Variants in ERBB4 observed in about 807,000 individuals in gnomAD.
The protein encoded by ERBB4 is receptor tyrosine-protein kinase erbB-4.
Under a neutral mutation model 158.0 loss-of-function variants are expected in ERBB4, and 42 were observed. The ratio of observed to expected loss-of-function variants is 0.27; its 90% CI spans 0.21 to 0.34. The LOEUF is 0.34. Among genes scored for constraint, ERBB4 ranks in the 10% least tolerant of loss-of-function variants. ERBB4 has a pLI of 1.00. For missense variants in ERBB4, 1,333 were observed against 1,624.1 expected (o/e 0.82, Z 3.08); for synonymous variants, 583 against 558.7 (o/e 1.04, Z -0.61).
At chr2:212,261,693 T>C (rs1478644231) in intron 1 of ERBB4, among the ~76,000 whole-genome samples, 2 of 152,086 alleles carry the variant, frequency 1.3e-5, no homozygotes, top group African/African-American at 4.8e-5. Flanking sequence ...CCTAGAGAAG[T>C]TAAGATGGGT....
chr2:212,090,123 G>A (rs1468754038), intron 2 of ERBB4, among the ~76,000 whole-genome samples: 1 of 152,080 alleles, frequency 6.6e-6, no homozygotes, highest in Non-Finnish European at 1.5e-5. Flanking sequence ...TAGAACACAT[G>A]GTCTGCTCAA....
At chr2:212,483,500 T>C (rs541602258) in intron 1 of ERBB4, among the ~76,000 whole-genome samples, 1 of 152,338 alleles carries the variant, frequency 6.6e-6, no homozygotes, top group East Asian at 1.9e-4. Context: ...CTTACGTATT[T>C]GTACCTAGTA....
chr2:212,493,914 T>A (rs1174374835), intron 1 of ERBB4, among the ~76,000 whole-genome samples: 1 of 151,748 alleles, frequency 6.6e-6, no homozygotes, highest in Non-Finnish European at 1.5e-5. Context: ...AAGAAATGAG[T>A]ATTATTAGAA....
At chr2:212,194,757 G>A (rs1434084615) in intron 1 of ERBB4, among the ~76,000 whole-genome samples, 1 of 151,876 alleles carries the variant, frequency 6.6e-6, no homozygotes, top group East Asian at 1.9e-4. Flanking sequence ...CATATCTGAA[G>A]GTTTTTAAGA....
At chr2:211,753,971 C>A (rs1236657903) in intron 4 of ERBB4, among the ~76,000 whole-genome samples, 1 of 150,792 alleles carries the variant, frequency 6.6e-6, no homozygotes, top group South Asian at 2.1e-4. Flanking sequence ...CATTCTCCTG[C>A]CTCAGCCTCC....
chr2:211,532,809 G>A (rs1222086792), intron 20 of ERBB4, among the ~76,000 whole-genome samples: 3 of 151,862 alleles, frequency 2.0e-5, no homozygotes, highest in South Asian at 2.1e-4. Context: ...AACCACCCAC[G>A]TAAAACAGCA....
At chr2:211,702,313 G>A (rs2073283784) in intron 11 of ERBB4, 147 bp from the exon 12 acceptor site, 1 of 725,670 alleles carries the variant, frequency 1.4e-6, no homozygotes, top group African/African-American at 1.8e-5. Context: ...GTTTTTACAT[G>A]CTATATACAG....
intron 25 of ERBB4, among the ~76,000 whole-genome samples, chr2:211,404,260 A>G (rs1365336263): frequency 6.6e-6 from 1 of 151,928 alleles, no homozygotes; most frequent in African/African-American, 2.4e-5. Flanking sequence ...TCATGCATTC[A>G]AGCAGAATGG....
chr2:212,012,829 C>T (rs1371177328), intron 2 of ERBB4, among the ~76,000 whole-genome samples: 1 of 152,028 alleles, frequency 6.6e-6, no homozygotes, highest in Non-Finnish European at 1.5e-5. Context: ...ACAGAAGTCC[C>T]AACCTCACAG....
intron 17 of ERBB4, among the ~76,000 whole-genome samples, chr2:211,626,842 G>A (rs2069867206): frequency 6.6e-6 from 1 of 151,618 alleles, no homozygotes; most frequent in African/African-American, 2.4e-5. Context: ...GGAGAACGGC[G>A]TGAACCCAGG....
intron 5 of ERBB4, among the ~76,000 whole-genome samples, chr2:211,730,108 A>G (rs2074382835): frequency 6.6e-6 from 1 of 151,996 alleles, no homozygotes. Context: ...ATATTAAAAA[A>G]TCATTAAGTA....
intron 3 of ERBB4, among the ~76,000 whole-genome samples, chr2:211,942,164 A>G (rs2080517827): frequency 6.6e-6 from 1 of 152,084 alleles, no homozygotes; most frequent in South Asian, 2.1e-4. Flanking sequence ...GAATAATGCC[A>G]AAGAGGCTTG....
intron 20 of ERBB4, among the ~76,000 whole-genome samples, chr2:211,480,787 T>G (rs10188349): frequency 0.093 from 14,096 of 152,234 alleles, 1,842 homozygotes; most frequent in African/African-American, 0.29. Context: ...TTTATCTCTG[T>G]CATTTCCTAA....
At chr2:211,819,047 A>G (rs1007576003) in intron 3 of ERBB4, among the ~76,000 whole-genome samples, 10 of 152,126 alleles carry the variant, frequency 6.6e-5, no homozygotes, top group Non-Finnish European at 1.0e-4. Flanking sequence ...CCTAATTTTC[A>G]GTAGATGCCA....
chr2:212,501,457 T>C (rs1353589239), intron 1 of ERBB4, among the ~76,000 whole-genome samples: 2 of 152,166 alleles, frequency 1.3e-5, no homozygotes, highest in African/African-American at 4.8e-5. Context: ...AGTCAAACAA[T>C]AGCTCAAGAG....
At position 212,538,399 on chromosome 2, in the gene ERBB4, C is replaced by T. The variant is rs1329894687; in HGVS notation, c.82+50G>A. On this transcript the variant is annotated intron_variant, in intron 1 of 27. Coordinates refer to ENST00000342788, the MANE Select transcript of ERBB4 (RefSeq NM_005235.3). ...AGGGCAGGGGAGCCACTCGAGGCAGCCCCGCCGGCGGCTGCAGGTTCGGCG... is the reference window on the plus strand; with the variant it reads ...AGGGCAGGGGAGCCACTCGAGGCAGTCCCGCCGGCGGCTGCAGGTTCGGCG... 5 of 1,545,334 alleles carry T rather than the reference C, an allele frequency of 3.2e-6. No individual in the cohort carries two copies. The East Asian group carries it at 9.0e-5, about 28-fold the overall frequency.
At chr2:211,661,884 A>G (rs2071433756) in intron 15 of ERBB4, among the ~76,000 whole-genome samples, 1 of 149,656 alleles carries the variant, frequency 6.7e-6, no homozygotes, top group East Asian at 2.0e-4. Context: ...CTAAAAATAC[A>G]AAAAATTAGC....
At chr2:212,119,375 G>C (rs1041098824) in intron 2 of ERBB4, among the ~76,000 whole-genome samples, 3 of 152,050 alleles carry the variant, frequency 2.0e-5, no homozygotes, top group African/African-American at 7.2e-5. Context: ...GGTGGGTCAG[G>C]CACCTTTTTA....
At chr2:212,103,660 G>A (rs1006277562) in intron 2 of ERBB4, among the ~76,000 whole-genome samples, 1 of 151,110 alleles carries the variant, frequency 6.6e-6, no homozygotes, top group African/African-American at 2.4e-5. Context: ...GGGAATGGAG[G>A]GATTCATTAG....
Sources: gnomAD v4.1 joint callset for allele counts (sites outside exome capture counted in the v4.1 genomes callset) on GRCh38, gnomAD v4.1.1 for gene constraint, MANE v1.5 for transcripts, NCBI Gene and HGNC (gene_info 2026-07-23, HGNC 2026-07-21) for gene names.